STXBP6: variants seen among roughly 807,000 people sequenced by gnomAD.
The protein encoded by STXBP6 is syntaxin binding protein 6.
STXBP6 carries 21 observed loss-of-function variants against 26.9 expected under a neutral mutation model. The observed-to-expected ratio is 0.78, with a 90% CI of 0.55 to 1.12. The LOEUF is 1.12. Among genes scored for constraint, STXBP6 ranks in the 50% most tolerant of loss-of-function variants. STXBP6 has a pLI of 0.00. For missense variants in STXBP6, 232 were observed against 257.9 expected, an observed-to-expected ratio of 0.90 and a Z score of 0.69; for synonymous variants, 97 against 92.6, an observed-to-expected ratio of 1.05 and a Z score of -0.27.
chr14:24,974,164 T>C (rs1251875312), intron 2 of STXBP6, among the ~76,000 whole-genome samples: 2 of 151,686 alleles, frequency 1.3e-5, no homozygotes, highest in East Asian at 1.9e-4. Flanking sequence ...GACAAGGCAA[T>C]GGCTGTCAGG....
chr14:24,913,188 G>T (rs1201139228), intron 2 of STXBP6, among the ~76,000 whole-genome samples: 1 of 152,122 alleles, frequency 6.6e-6, no homozygotes, highest in African/African-American at 2.4e-5. Context: ...AATAGTTATG[G>T]TCACACATTC....
At chr14:24,984,116 C>T (rs2074270566) in intron 1 of STXBP6, among the ~76,000 whole-genome samples, 1 of 152,106 alleles carries the variant, frequency 6.6e-6, no homozygotes, top group Non-Finnish European at 1.5e-5. Flanking sequence ...CCTGTAGTCC[C>T]AGCTACTTGG....
chr14:24,825,210 C>T (rs982979648), intron 4 of STXBP6, among the ~76,000 whole-genome samples: 6 of 152,060 alleles, frequency 3.9e-5, no homozygotes, highest in Admixed American at 1.3e-4. Context: ...GGTGAAATTC[C>T]GCAGAATTTG....
chr14:24,976,720 CT>C (rs951083547), intron 1 of STXBP6, among the ~76,000 whole-genome samples: 1 of 152,046 alleles, frequency 6.6e-6, no homozygotes, highest in African/African-American at 2.4e-5. Flanking sequence ...TGGTTATTTT[CT>C]AGCTCCAAGG....
At chr14:24,993,080 CA>C (rs1386813627) in intron 1 of STXBP6, among the ~76,000 whole-genome samples, 1 of 152,136 alleles carries the variant, frequency 6.6e-6, no homozygotes, top group Non-Finnish European at 1.5e-5. Flanking sequence ...CTTCTCTTTG[CA>C]CTCTGTAGTC....
chr14:24,866,748 C>T (rs1346415335), intron 2 of STXBP6, among the ~76,000 whole-genome samples: 1 of 150,818 alleles, frequency 6.6e-6, no homozygotes, highest in Non-Finnish European at 1.5e-5. Context: ...TGTCTGTCCA[C>T]AGGAATACTC....
At chr14:24,965,375 T>C (rs1451756992) in intron 2 of STXBP6, among the ~76,000 whole-genome samples, 2 of 152,024 alleles carry the variant, frequency 1.3e-5, no homozygotes, top group Non-Finnish European at 2.9e-5. Context: ...AGTCTGTTCC[T>C]GAGAGGCAGA....
chr14:24,895,981 C>A (rs992838775), intron 2 of STXBP6, among the ~76,000 whole-genome samples: 1 of 152,172 alleles, frequency 6.6e-6, no homozygotes, highest in Admixed American at 6.5e-5. Context: ...TTGTCAAAAT[C>A]ATTATTAGAC....
chr14:24,827,310 G>A (rs1305174846), intron 4 of STXBP6, among the ~76,000 whole-genome samples: 1 of 152,180 alleles, frequency 6.6e-6, no homozygotes, highest in Non-Finnish European at 1.5e-5. Flanking sequence ...TGCAGTATGT[G>A]CTCAATGTAC....
At chr14:24,996,748 G>A (rs1194435852) in intron 1 of STXBP6, among the ~76,000 whole-genome samples, 3 of 151,032 alleles carry the variant, frequency 2.0e-5, no homozygotes, top group Admixed American at 6.6e-5. Flanking sequence ...CCAGCTACTT[G>A]GAAGGCTGAG....
chr14:25,018,656 G>T (rs2075204421), intron 1 of STXBP6, among the ~76,000 whole-genome samples: 1 of 152,150 alleles, frequency 6.6e-6, no homozygotes. Context: ...CTGTGTCCTG[G>T]TCTCAATCTG....
chr14:25,004,823 G>A (rs1261552471), intron 1 of STXBP6, among the ~76,000 whole-genome samples: 3 of 152,242 alleles, frequency 2.0e-5, no homozygotes, highest in African/African-American at 7.2e-5. Context: ...GCAGCAAGAA[G>A]CATAGCTTTC....
chr14:24,869,714 C>T (rs944016399), intron 2 of STXBP6, among the ~76,000 whole-genome samples: 4 of 152,186 alleles, frequency 2.6e-5, no homozygotes, highest in Admixed American at 2.6e-4. Context: ...TGTCCACACA[C>T]TTCCATCCAC....
intron 4 of STXBP6, among the ~76,000 whole-genome samples, chr14:24,848,697 T>A (rs574124519): frequency 6.6e-6 from 1 of 152,070 alleles, no homozygotes; most frequent in African/African-American, 2.4e-5. Context: ...GAAAAAAAAA[T>A]TGCATCTGTG....
intron 1 of STXBP6, among the ~76,000 whole-genome samples, chr14:24,985,343 A>G (rs927717880): frequency 1.3e-5 from 2 of 152,200 alleles, no homozygotes; most frequent in Admixed American, 6.5e-5. Context: ...TTGCAACAGG[A>G]GTCAACTCCT....
intron 4 of STXBP6, among the ~76,000 whole-genome samples, chr14:24,852,476 T>C (rs2069188880): frequency 6.6e-6 from 1 of 152,050 alleles, no homozygotes; most frequent in Non-Finnish European, 1.5e-5. Context: ...TCTGACCCTT[T>C]TCATTATTTT....
chr14:24,850,732 C>T (rs2139121301), intron 4 of STXBP6, among the ~76,000 whole-genome samples: 1 of 152,170 alleles, frequency 6.6e-6, no homozygotes, highest in East Asian at 1.9e-4. Context: ...ACTGGATCTC[C>T]ACAGCTAGTT....
intron 2 of STXBP6, among the ~76,000 whole-genome samples, chr14:24,907,444 T>C (rs1483269203): frequency 6.6e-6 from 1 of 152,214 alleles, no homozygotes; most frequent in African/African-American, 2.4e-5. Context: ...GTTGTCTATA[T>C]ATCACCTCAA....
At chr14:25,016,698 T>C (rs1175329122) in intron 1 of STXBP6, among the ~76,000 whole-genome samples, 1 of 152,184 alleles carries the variant, frequency 6.6e-6, no homozygotes, top group African/African-American at 2.4e-5. Context: ...TCCTGGTTTG[T>C]GAACTTACTA....
Sources: gnomAD v4.1 joint callset for allele counts (sites outside exome capture counted in the v4.1 genomes callset) on GRCh38, gnomAD v4.1.1 for gene constraint, MANE v1.5 for transcripts, NCBI Gene and HGNC (gene_info 2026-07-23, HGNC 2026-07-21) for gene names.